RORA: variants seen among roughly 807,000 people sequenced by gnomAD.
The protein encoded by RORA is nuclear receptor ROR-alpha.
In RORA, 7 loss-of-function variants were observed where a neutral mutation model predicts 69.5. The ratio of observed to expected loss-of-function variants is 0.10; its 90% CI spans 0.06 to 0.19. RORA has a LOEUF of 0.19. Ranked by LOEUF, RORA falls within the 10% of genes least tolerant of loss-of-function variation. RORA has a pLI of 1.00. For missense variants in RORA, 457 were observed against 663.0 expected (o/e 0.69, Z 3.41); for synonymous variants, 261 against 240.8 (o/e 1.08, Z -0.78).
intron 1 of RORA, among the ~76,000 whole-genome samples, chr15:61,170,855 A>T (rs984753049): frequency 2.6e-5 from 4 of 152,200 alleles, no homozygotes; most frequent in African/African-American, 9.6e-5. Context: ...GTGCACAGAC[A>T]CATCCTTTTA....
At chr15:60,906,576 C>A (rs1327755651) in intron 1 of RORA, among the ~76,000 whole-genome samples, 1 of 152,176 alleles carries the variant, frequency 6.6e-6, no homozygotes, top group Non-Finnish European at 1.5e-5. Context: ...TTCTCTTCTG[C>A]AGCTTAATGC....
chr15:60,551,965 C>T (rs12439380), intron 2 of RORA, among the ~76,000 whole-genome samples: 2 of 152,042 alleles, frequency 1.3e-5, no homozygotes, highest in Non-Finnish European at 2.9e-5. Flanking sequence ...AAGAGTGAGC[C>T]GAGGCTCTTT....
At position 60,730,816 on chromosome 15, in the gene RORA, T is replaced by C. The variant is rs369975758; in HGVS notation, c.167-52130A>G. On this transcript the variant is annotated intron_variant, in intron 1 of 10. Coordinates refer to ENST00000335670, the MANE Select transcript of RORA (RefSeq NM_134261.3). ...TATGTTACAATATGAAAACTTTATG[T>C]CTCAACAAAATCTCAGTGAGCTATT... Among the ~76,000 whole-genome samples, 24 of 152,344 alleles carry C rather than the reference T, an allele frequency of 1.6e-4. No individual in the cohort carries two copies. The South Asian group carries it at 2.7e-3, about 17-fold the overall frequency.
chr15:60,946,440 G>T (rs1056380365), intron 1 of RORA, among the ~76,000 whole-genome samples: 1 of 152,214 alleles, frequency 6.6e-6, no homozygotes, highest in Non-Finnish European at 1.5e-5. Flanking sequence ...ACTGGTTTTC[G>T]TATTTTTTTG....
chr15:61,197,933 T>C (rs959276191), intron 1 of RORA, among the ~76,000 whole-genome samples: 3 of 152,144 alleles, frequency 2.0e-5, no homozygotes, highest in South Asian at 2.1e-4. Flanking sequence ...GGTACTGCTT[T>C]GGCTGCTGCT....
intron 2 of RORA, among the ~76,000 whole-genome samples, chr15:60,581,118 A>G (rs2068179971): frequency 6.6e-6 from 1 of 152,194 alleles, no homozygotes; most frequent in African/African-American, 2.4e-5. Flanking sequence ...AGCAAACGAA[A>G]ACATTCTGAA....
chr15:60,532,812 C>A (rs534117232), intron 2 of RORA, among the ~76,000 whole-genome samples: 1 of 152,130 alleles, frequency 6.6e-6, no homozygotes, highest in Non-Finnish European at 1.5e-5. Flanking sequence ...TGTGTCATTA[C>A]GCTAAATTCA....
intron 1 of RORA, among the ~76,000 whole-genome samples, chr15:61,142,146 AG>A (rs1373539062): frequency 3.8e-5 from 2 of 53,260 alleles, no homozygotes; most frequent in Non-Finnish European, 1.6e-4. Flanking sequence ...CCATTTATAA[AG>A]TTTTTTTTTT....
chr15:60,962,571 T>C (rs1172087959), intron 1 of RORA, among the ~76,000 whole-genome samples: 4 of 152,156 alleles, frequency 2.6e-5, no homozygotes, highest in Non-Finnish European at 5.9e-5. Context: ...GCTGGACTGC[T>C]CCCCGCTCTC....
intron 1 of RORA, among the ~76,000 whole-genome samples, chr15:61,153,432 G>C (rs2079415055): frequency 6.6e-6 from 1 of 152,142 alleles, no homozygotes; most frequent in Admixed American, 6.5e-5. Flanking sequence ...GCACAGGCTG[G>C]ACAGAGCCCA....
intron 2 of RORA, among the ~76,000 whole-genome samples, chr15:60,612,218 G>A (rs1292781560): frequency 6.6e-6 from 1 of 152,158 alleles, no homozygotes; most frequent in Non-Finnish European, 1.5e-5. Flanking sequence ...CTGATTTTTT[G>A]CAAGTTCTCA....
chr15:61,183,138 A>G (rs2079703702), intron 1 of RORA: 1 of 152,316 alleles, frequency 6.6e-6, no homozygotes, highest in South Asian at 2.1e-4. Flanking sequence ...AACTTGTACC[A>G]TGGTTACAGA....
At chr15:60,590,335 C>T (rs972878860) in intron 2 of RORA, among the ~76,000 whole-genome samples, 2 of 152,150 alleles carry the variant, frequency 1.3e-5, no homozygotes, top group African/African-American at 2.4e-5. Context: ...GTGTGTGATT[C>T]TTATTATTCT....
At chr15:60,902,570 T>C (rs2140469485) in intron 1 of RORA, among the ~76,000 whole-genome samples, 1 of 152,304 alleles carries the variant, frequency 6.6e-6, no homozygotes, top group Non-Finnish European at 1.5e-5. Flanking sequence ...CTATCTTGTG[T>C]TGTTTTAGAG....
At chr15:61,172,820 C>G (rs1365382825) in intron 1 of RORA, among the ~76,000 whole-genome samples, 2 of 152,032 alleles carry the variant, frequency 1.3e-5, no homozygotes, top group Non-Finnish European at 2.9e-5. Flanking sequence ...CCCTAAGGAG[C>G]ATGTATCCTG....
intron 1 of RORA, among the ~76,000 whole-genome samples, chr15:60,720,419 C>T (rs774761724): frequency 6.6e-5 from 10 of 152,198 alleles, no homozygotes; most frequent in Admixed American, 5.9e-4. Flanking sequence ...TTGAAAAACC[C>T]AGACTGTCCA....
At chr15:60,500,146 T>G in intron 9 of RORA, 142 bp from the exon 10 acceptor site, 1 of 592,772 alleles carries the variant, frequency 1.7e-6, no homozygotes, top group Non-Finnish European at 2.9e-6. Context: ...TCTTTCAAAA[T>G]TTCTCCTAAT....
chr15:61,014,406 A>G (rs926008214), intron 1 of RORA, among the ~76,000 whole-genome samples: 4 of 152,252 alleles, frequency 2.6e-5, no homozygotes, highest in Non-Finnish European at 4.4e-5. Context: ...TCATGCCCAG[A>G]TGATTTTAAA....
chr15:60,928,636 G>T (rs1410659645), intron 1 of RORA, among the ~76,000 whole-genome samples: 1 of 152,182 alleles, frequency 6.6e-6, no homozygotes, highest in Non-Finnish European at 1.5e-5. Context: ...CTCTGAGTTT[G>T]TCCAATTCGA....
Sources: gnomAD v4.1 joint callset for allele counts (sites outside exome capture counted in the v4.1 genomes callset) on GRCh38, gnomAD v4.1.1 for gene constraint, MANE v1.5 for transcripts, NCBI Gene and HGNC (gene_info 2026-07-23, HGNC 2026-07-21) for gene names.